TIA1: variants seen among roughly 807,000 people sequenced by gnomAD.
The protein encoded by TIA1 is cytotoxic granule associated RNA binding protein TIA1.
TIA1 carries 23 observed loss-of-function variants against 65.9 expected under a neutral mutation model. The observed-to-expected ratio is 0.35, with a 90% CI of 0.25 to 0.49. The LOEUF is 0.49. TIA1 is among the 20% of genes least tolerant of loss of function. The probability of loss-of-function intolerance (pLI) is 0.98; values close to 1 mark genes in which losing one functional copy is unlikely to be tolerated. For missense variants in TIA1, 371 were observed against 477.9 expected, an observed-to-expected ratio of 0.78 and a Z score of 2.09; for synonymous variants, 147 against 149.4, an observed-to-expected ratio of 0.98 and a Z score of 0.12.
chr2:70,229,136 C>A, intron 4 of TIA1, 45 bp from the exon 5 acceptor site: 1 of 1,609,974 alleles, frequency 6.2e-7, no homozygotes, highest in East Asian at 2.2e-5. Context: ...TTAACACAAA[C>A]ACATTCAATC....
intron 11 of TIA1, 84 bp downstream of exon 11, chr2:70,215,284 CTTA>C (rs751541235): frequency 6.5e-7 from 1 of 1,546,336 alleles, no homozygotes; most frequent in Non-Finnish European, 8.9e-7. Flanking sequence ...TAGCTAGAAA[CTTA>C]TTAACAAGGA....
intron 11 of TIA1, among the ~76,000 whole-genome samples, chr2:70,214,871 A>G (rs575370958): frequency 5.5e-4 from 84 of 152,276 alleles, no homozygotes; most frequent in African/African-American, 2.0e-3. Flanking sequence ...TACTTAAGAC[A>G]CTTATATAGT....
chr2:70,229,251 A>G lies in TIA1; in HGVS notation c.277+13T>C. 6.2e-7 allele frequency: 1 copy of G among 1,613,768 alleles called. No individual in the cohort carries two copies. The highest frequency in any genetic ancestry group is 8.5e-7 in the Non-Finnish European group (1 of 1,179,822). On this transcript the variant is annotated intron_variant, in intron 4 of 12. Transcript: ENST00000433529. ...ATAAAAACAAATGTTCAAAGAGCATAAAATATACTTACTGCTTGTATCTTT... is the reference window on the plus strand; with the variant it reads ...ATAAAAACAAATGTTCAAAGAGCATGAAATATACTTACTGCTTGTATCTTT...
At chr2:70,226,023 C>T (rs753244566) in intron 6 of TIA1, among the ~76,000 whole-genome samples, 1 of 152,138 alleles carries the variant, frequency 6.6e-6, no homozygotes, top group African/African-American at 2.4e-5. Context: ...AACAAAAAAT[C>T]AGGAAAATAT....
chr2:70,215,625 T>A (rs373951285), intron 10 of TIA1, 131 bp from the exon 11 acceptor site: 2 of 859,478 alleles, frequency 2.3e-6, no homozygotes, highest in Non-Finnish European at 3.4e-6. Context: ...TCTTTGCTAT[T>A]TTTTTCAAAG....
At chr2:70,243,431 A>AAAAT (rs985322571) in intron 1 of TIA1, among the ~76,000 whole-genome samples, 8 of 152,168 alleles carry the variant, frequency 5.3e-5, no homozygotes, top group East Asian at 3.8e-4. Context: ...TATCTCAATT[A>AAAAT]AAATAAATAA....
At chr2:70,225,058 G>T in intron 6 of TIA1, 1 of 976,184 alleles carries the variant, frequency 1.0e-6, no homozygotes, top group Non-Finnish European at 1.2e-6. Context: ...GAAACCAAAA[G>T]AATGAAAAAG....
chr2:70,233,022 C>T (rs1447002231), intron 2 of TIA1, among the ~76,000 whole-genome samples: 1 of 152,104 alleles, frequency 6.6e-6, no homozygotes, highest in Admixed American at 6.5e-5. Flanking sequence ...ACATTATAGG[C>T]CATTTTAAAA....
chr2:70,238,260 G>GTTTTTTTTTTTTTTTTTTTTTTTTTTT (rs763865705), intron 1 of TIA1, among the ~76,000 whole-genome samples: 1 of 94,596 alleles, frequency 1.1e-5, no homozygotes, highest in Non-Finnish European at 2.0e-5. Flanking sequence ...GTTCCCCCAA[G>GTTTTTTTTTTTTTTTTTTTTTTTTTTT]TTTTTTTTTT....
intron 1 of TIA1, among the ~76,000 whole-genome samples, chr2:70,248,186 A>G (rs1401158072): frequency 2.0e-5 from 3 of 152,200 alleles, no homozygotes; most frequent in African/African-American, 7.2e-5. Flanking sequence ...TGGTGTTGCT[A>G]AAGTGAAGGG....
chr2:70,242,920 G>A (rs529093711), intron 1 of TIA1, among the ~76,000 whole-genome samples: 6 of 152,110 alleles, frequency 3.9e-5, no homozygotes, highest in Non-Finnish European at 2.9e-5. Context: ...AACTGGTCTC[G>A]GTGCCAAAAA....
chr2:70,236,289 C>G (rs921131353), intron 1 of TIA1, 114 bp from the exon 2 acceptor site: 2 of 624,376 alleles, frequency 3.2e-6, no homozygotes, highest in African/African-American at 3.8e-5. Flanking sequence ...ACCTCCGCCT[C>G]CAGGGTTCAA....
At chr2:70,222,494 T>C (rs867526537) in intron 7 of TIA1, among the ~76,000 whole-genome samples, 2 of 152,132 alleles carry the variant, frequency 1.3e-5, no homozygotes, top group Admixed American at 6.6e-5. Flanking sequence ...ATGTAGAACA[T>C]AGGAAGAGAG....
intron 1 of TIA1, among the ~76,000 whole-genome samples, chr2:70,238,145 A>G (rs1335158068): frequency 6.6e-6 from 1 of 151,106 alleles, no homozygotes; most frequent in Non-Finnish European, 1.5e-5. Context: ...TGGGCAACAG[A>G]GCGAGACTCC....
chr2:70,232,661 G>A (rs948994873), intron 2 of TIA1, among the ~76,000 whole-genome samples: 1 of 151,452 alleles, frequency 6.6e-6, no homozygotes, highest in Admixed American at 6.6e-5. Context: ...CTGAGGTCAG[G>A]AGTTCGAGAC....
chr2:70,225,214 G>A (rs1234827036), intron 6 of TIA1: 2 of 1,084,952 alleles, frequency 1.8e-6, no homozygotes, highest in African/African-American at 3.4e-5. Flanking sequence ...TTTTAAGCTA[G>A]ACAAGAAAAG....
intron 6 of TIA1, 22 bp downstream of exon 6, chr2:70,227,713 T>C: frequency 6.7e-7 from 1 of 1,488,218 alleles, no homozygotes; most frequent in Non-Finnish European, 9.2e-7. Context: ...TAAAAGGATT[T>C]TATTTATCTT....
intron 5 of TIA1, 156 bp downstream of exon 5, chr2:70,228,903 T>C: frequency 6.8e-7 from 1 of 1,467,180 alleles, no homozygotes. Flanking sequence ...TTATACTTGG[T>C]CAACACTGAG....
rs916208360 is a variant in TIA1 at position 70,211,632 on chromosome 2, A to T, written c.*1087T>A. 1 of 152,740 alleles carries T rather than the reference A, an allele frequency of 6.5e-6. No homozygotes were observed. The highest frequency in any genetic ancestry group is 1.5e-5 in the Non-Finnish European group (1 of 68,042). 9.5% of individuals were successfully genotyped at this position (152,740 alleles called of 1,614,324 possible). A position where few individuals can be genotyped will look rare whatever the true frequency, so the allele number is the denominator to read the frequency against. The stretch of plus-strand genomic sequence containing the variant: ...GGCAAATTAATATATTCCTTTACAT[A>T]CAACTTTGTGTCTCAAAATTCTTGA... On this transcript the variant is annotated 3_prime_UTR_variant, in exon 13 of 13. Transcript: ENST00000433529.
Sources: gnomAD v4.1 joint callset for allele counts (sites outside exome capture counted in the v4.1 genomes callset) on GRCh38, gnomAD v4.1.1 for gene constraint, MANE v1.5 for transcripts, NCBI Gene and HGNC (gene_info 2026-07-23, HGNC 2026-07-21) for gene names.